The following POLR1C variants were observed in gnomAD, a reference collection of about 807,000 sequenced individuals.
The protein encoded by POLR1C is RNA polymerase I and III subunit C.
Under a neutral mutation model 38.3 loss-of-function variants are expected in POLR1C, and 42 were observed. The observed-to-expected ratio is 1.10, with a 90% CI of 0.86 to 1.42. The LOEUF is 1.42. Among genes scored for constraint, POLR1C ranks in the 40% most tolerant of loss-of-function variants. POLR1C has a pLI of 0.00. For synonymous variants in POLR1C, 163 were observed against 163.9 expected (o/e 0.99, Z 0.04); for missense variants, 507 against 450.5 (o/e 1.13, Z -1.14).
At chr6:43,521,073 TG>T in intron 8 of POLR1C, 25 bp downstream of exon 8, 1 of 1,577,828 alleles carries the variant, frequency 6.3e-7, no homozygotes, top group South Asian at 1.1e-5. Context: ...GTGAGATGAG[TG>T]GGCAGTGCTC....
At chr6:43,525,987 C>G, downstream of POLR1C, 1 of 1,572,262 alleles carries the variant, frequency 6.4e-7, no homozygotes, top group Non-Finnish European at 8.7e-7. Context: ...CTTGTTCTGA[C>G]AGAAGCGCAA....
downstream of POLR1C, among the ~76,000 whole-genome samples, chr6:43,531,736 T>G (rs1793993765): frequency 6.6e-6 from 1 of 152,056 alleles, no homozygotes; most frequent in Admixed American, 6.6e-5. Context: ...ACTCTTTTGG[T>G]AGGAGAAGGT....
intron 9 of POLR1C, chr6:43,549,798 C>G: frequency 1.5e-6 from 2 of 1,351,512 alleles, no homozygotes; most frequent in Non-Finnish European, 2.1e-6. Context: ...CCTTACTACC[C>G]CCTCCCATTT....
intron 9 of POLR1C, chr6:43,549,504 G>A (rs1485505547): frequency 3.7e-6 from 6 of 1,612,018 alleles, no homozygotes; most frequent in African/African-American, 1.3e-5. Flanking sequence ...CAAGCTGGGG[G>A]TAGTCACGAC....
chr6:43,544,421 T>A (rs1794865413), intron 9 of POLR1C, among the ~76,000 whole-genome samples: 2 of 152,084 alleles, frequency 1.3e-5, no homozygotes, highest in South Asian at 4.1e-4. Flanking sequence ...TATACTTTTT[T>A]AAAAAAAGAA....
At chr6:43,535,327 C>T (rs111347581) in intron 9 of POLR1C, among the ~76,000 whole-genome samples, 2,793 of 149,898 alleles carry the variant, frequency 0.019, 35 homozygotes, top group South Asian at 0.04. Flanking sequence ...CAGTGGCTCA[C>T]GCTTGTAATC....
downstream of POLR1C, chr6:43,526,401 T>G (rs1018059253): frequency 8.6e-6 from 4 of 465,734 alleles, no homozygotes; most frequent in Non-Finnish European, 1.6e-5. Flanking sequence ...TTTTGATAGG[T>G]TGGTCATGGA....
intron 8 of POLR1C, chr6:43,526,755 A>C (rs750661956): frequency 1.2e-6 from 2 of 1,613,518 alleles, no homozygotes; most frequent in South Asian, 2.2e-5. Context: ...CCGCTAAAGC[A>C]AGAAAGCAGG....
chr6:43,556,523 CA>C (rs539768315), intron 10 of POLR1C, among the ~76,000 whole-genome samples: 8,026 of 71,932 alleles, frequency 0.11, 521 homozygotes, highest in African/African-American at 0.29. Context: ...GACCATGTCT[CA>C]AAAAAAAAAA....
chr6:43,527,525 C>T (rs1304158968), intron 8 of POLR1C: 15 of 1,112,374 alleles, frequency 1.3e-5, no homozygotes, highest in Non-Finnish European at 1.9e-5. Flanking sequence ...ACCATGCCCG[C>T]CGCAAACATG....
chr6:43,520,463 A>G lies in POLR1C; in HGVS notation c.655+36A>G, dbSNP rs1331001286. 15 of 1,612,210 alleles carry G rather than the reference A, an allele frequency of 9.3e-6. No individual in the cohort carries two copies. In the African/African-American group the frequency reaches 2.0e-4, roughly 22 times the overall value. On this transcript the variant is annotated intron_variant, in intron 6 of 8. Coordinates refer to ENST00000642195, the MANE Select transcript of POLR1C (RefSeq NM_203290.4). ...TGTGTGCCTTCCTGGGAAGGGGGATAGTTCGGTTGCAGTGGGGCAAGCTGA... is the reference window on the plus strand; with the variant it reads ...TGTGTGCCTTCCTGGGAAGGGGGATGGTTCGGTTGCAGTGGGGCAAGCTGA...
downstream of POLR1C, chr6:43,526,313 A>G: frequency 2.7e-6 from 1 of 364,932 alleles, no homozygotes. Flanking sequence ...ATACATAAAT[A>G]AAAACATAAT....
rs1561857938 is a variant in POLR1C at position 43,520,436 on chromosome 6, CCT to C, written c.655+10_655+11del. On this transcript the variant is annotated intron_variant, in intron 6 of 8. Coordinates refer to ENST00000642195, the MANE Select transcript of POLR1C (RefSeq NM_203290.4). ...CTGTGTCAAGGGCATTGGTGAGAAC[CCT>C]GTGTGCCTTCCTGGGAAGGGGGATA... 6.2e-7 allele frequency: 1 copy of C among 1,613,170 alleles called. No homozygotes were observed. Among genetic ancestry groups the C allele is most frequent in the Non-Finnish European group, 8.5e-7 (1 of 1,180,020 alleles).
intron 8 of POLR1C, chr6:43,527,520 G>T: frequency 9.8e-7 from 1 of 1,021,000 alleles, no homozygotes; most frequent in African/African-American, 1.6e-5. Flanking sequence ...AATCCACCAT[G>T]CCCGCCGCAA....
intron 9 of POLR1C, chr6:43,539,674 C>G (rs1251625218): frequency 5.0e-5 from 49 of 983,708 alleles, no homozygotes; most frequent in Non-Finnish European, 7.0e-5. Context: ...GGCCTCCAGG[C>G]CCCCCCACTG....
At chr6:43,523,886 G>A, downstream of POLR1C, 1 of 1,613,996 alleles carries the variant, frequency 6.2e-7, no homozygotes, top group Non-Finnish European at 8.5e-7. Context: ...CAAAGATGGT[G>A]GCCAGGCCAC....
At chr6:43,531,672 A>G, downstream of POLR1C, 1 of 1,010,776 alleles carries the variant, frequency 9.9e-7, no homozygotes, top group South Asian at 1.3e-5. Flanking sequence ...AGGGGTGAAG[A>G]TGTGTGCATG....
downstream of POLR1C, chr6:43,531,600 C>T (rs760248867): frequency 6.3e-7 from 1 of 1,586,674 alleles, no homozygotes; most frequent in Admixed American, 1.7e-5. Context: ...GGGTCAAGAA[C>T]ATGATGCTCC....
chr6:43,524,675 G>A, downstream of POLR1C: 1 of 1,601,210 alleles, frequency 6.2e-7, no homozygotes, highest in Non-Finnish European at 8.5e-7. Flanking sequence ...TGTAGGTTTG[G>A]ATATTGCCAC....
Sources: allele counts gnomAD v4.1 joint callset (sites outside exome capture counted in the v4.1 genomes callset), GRCh38; gene constraint gnomAD v4.1.1; transcripts MANE v1.5; gene names NCBI Gene and HGNC (gene_info 2026-07-23, HGNC 2026-07-21).